ADAMTSL1: variants seen among roughly 807,000 people sequenced by gnomAD.
ADAMTSL1 encodes ADAMTS like 1.
Under a neutral mutation model 201.8 loss-of-function variants are expected in ADAMTSL1, and 126 were observed. That is an observed-to-expected ratio of 0.62 (90% CI 0.54 to 0.72). The LOEUF (loss-of-function observed/expected upper bound fraction) is 0.72. ADAMTSL1 is among the 30% of genes least tolerant of loss of function. ADAMTSL1 has a pLI of 0.00. For missense variants in ADAMTSL1, 2,679 were observed against 2,277.8 expected (o/e 1.18, Z -3.59); for synonymous variants, 1,121 against 903.4 (o/e 1.24, Z -4.32).
At chr9:18,117,333 C>T (rs1024233300) in intron 1 of ADAMTSL1, among the ~76,000 whole-genome samples, 13 of 152,226 alleles carry the variant, frequency 8.5e-5, no homozygotes, top group Admixed American at 7.9e-4. Context: ...ATCTGGCCCT[C>T]GTTACTTTCT....
At chr9:18,694,948 A>T (rs559522200) in intron 13 of ADAMTSL1, among the ~76,000 whole-genome samples, 1 of 152,162 alleles carries the variant, frequency 6.6e-6, no homozygotes, top group South Asian at 2.1e-4. Context: ...CCAAGCTTCA[A>T]CTCCTGCCCT....
chr9:18,582,259 C>G (rs1823147816), intron 4 of ADAMTSL1, among the ~76,000 whole-genome samples: 1 of 152,130 alleles, frequency 6.6e-6, no homozygotes, highest in African/African-American at 2.4e-5. Flanking sequence ...TTTTGTTTAA[C>G]AGTTCATCTC....
intron 15 of ADAMTSL1, chr9:18,723,815 G>C (rs1394733884): frequency 6.6e-6 from 1 of 152,190 alleles, no homozygotes; most frequent in African/African-American, 2.4e-5. Flanking sequence ...TTGTATAGAG[G>C]TGCCTTTCCT....
intron 2 of ADAMTSL1, among the ~76,000 whole-genome samples, chr9:18,279,972 T>G (rs1427905210): frequency 6.6e-6 from 1 of 151,938 alleles, no homozygotes; most frequent in Non-Finnish European, 1.5e-5. Flanking sequence ...CCTATGCCTT[T>G]TGGGGCAATC....
At chr9:18,711,104 C>G (rs978244075) in intron 14 of ADAMTSL1, among the ~76,000 whole-genome samples, 3 of 152,152 alleles carry the variant, frequency 2.0e-5, no homozygotes, top group South Asian at 2.1e-4. Flanking sequence ...AAATGATTTA[C>G]AAAAATTGTT....
intron 1 of ADAMTSL1, among the ~76,000 whole-genome samples, chr9:17,935,886 T>G (rs762717424): frequency 2.0e-5 from 3 of 152,222 alleles, no homozygotes; most frequent in Non-Finnish European, 4.4e-5. Flanking sequence ...GTTATGCTAC[T>G]CCTGCTTAAC....
chr9:18,250,000 T>C (rs1271030365), intron 2 of ADAMTSL1, among the ~76,000 whole-genome samples: 2 of 152,248 alleles, frequency 1.3e-5, no homozygotes, highest in Non-Finnish European at 2.9e-5. Context: ...AGCATGCTAA[T>C]GCTTACCTGT....
intron 2 of ADAMTSL1, among the ~76,000 whole-genome samples, chr9:18,301,405 G>C (rs1833706067): frequency 6.6e-6 from 1 of 152,148 alleles, no homozygotes; most frequent in Non-Finnish European, 1.5e-5. Context: ...CTGGCGATCT[G>C]TTCCATGACC....
intron 1 of ADAMTSL1, among the ~76,000 whole-genome samples, chr9:18,136,112 A>T (rs1051962469): frequency 4.6e-5 from 7 of 152,210 alleles, no homozygotes; most frequent in Non-Finnish European, 8.8e-5. Flanking sequence ...GGAAAAAGGC[A>T]GTAAGAGCAT....
intron 1 of ADAMTSL1, among the ~76,000 whole-genome samples, chr9:18,077,360 G>C (rs1478503126): frequency 1.3e-5 from 2 of 152,188 alleles, no homozygotes; most frequent in Admixed American, 1.3e-4. Context: ...CTCCCTTATT[G>C]AGTGTTCATG....
chr9:18,093,177 G>T (rs1002172480), intron 1 of ADAMTSL1, among the ~76,000 whole-genome samples: 2 of 151,992 alleles, frequency 1.3e-5, no homozygotes, highest in East Asian at 3.9e-4. Flanking sequence ...AAATGCCAGG[G>T]AAGCAATAGA....
chr9:18,698,933 T>C (rs1831747480), intron 13 of ADAMTSL1, among the ~76,000 whole-genome samples: 1 of 152,148 alleles, frequency 6.6e-6, no homozygotes, highest in Non-Finnish European at 1.5e-5. Context: ...TTATAATGTC[T>C]TGTCTAGAAC....
At chr9:18,886,166 G>GTATGTATATATATATA (rs55916376) in intron 23 of ADAMTSL1, among the ~76,000 whole-genome samples, 29 of 37,094 alleles carry the variant, frequency 7.8e-4, no homozygotes, top group East Asian at 1.1e-3. Flanking sequence ...GTGTGTATGT[G>GTATGTATATATATATA]TATATATATA....
chr9:18,179,263 A>G (rs1172025743), intron 2 of ADAMTSL1, among the ~76,000 whole-genome samples: 1 of 152,196 alleles, frequency 6.6e-6, no homozygotes, highest in Non-Finnish European at 1.5e-5. Flanking sequence ...ATCAACTGGA[A>G]GAAAGGGTAT....
chr9:18,453,027 G>T (rs902813489), intron 2 of ADAMTSL1, among the ~76,000 whole-genome samples: 1 of 152,212 alleles, frequency 6.6e-6, no homozygotes, highest in Non-Finnish European at 1.5e-5. Context: ...ACAAGTTTCT[G>T]CCTGAGCCCC....
chr9:18,721,414 G>A, intron 14 of ADAMTSL1, 122 bp from the exon 15 acceptor site: 2 of 1,372,656 alleles, frequency 1.5e-6, no homozygotes, highest in South Asian at 2.8e-5. Flanking sequence ...TGCCATCTCT[G>A]ACATACAGCG....
chr9:17,926,632 CAA>C (rs1357148680), intron 1 of ADAMTSL1, among the ~76,000 whole-genome samples: 1 of 152,196 alleles, frequency 6.6e-6, no homozygotes, highest in African/African-American at 2.4e-5. Context: ...ATGGTTAAAA[CAA>C]GAGGTGCTTT....
chr9:18,276,402 G>A (rs1049644799), intron 2 of ADAMTSL1, among the ~76,000 whole-genome samples: 4 of 152,114 alleles, frequency 2.6e-5, no homozygotes, highest in African/African-American at 9.7e-5. Flanking sequence ...TGTGTCCTAT[G>A]AAAACTTTGC....
chr9:18,680,307 T>C lies in ADAMTSL1; in HGVS notation c.1137-5T>C. Reference sequence around the variant, plus strand: ...CTGCCCTGATGACTCCCCTTGCTTCTGTAGGTGGGAGGCCACCCCATGGAC... The same window carrying C: ...CTGCCCTGATGACTCCCCTTGCTTCCGTAGGTGGGAGGCCACCCCATGGAC... On this transcript the variant is annotated splice_region_variant and splice_polypyrimidine_tract_variant and intron_variant, in intron 10 of 28. Coordinates refer to ENST00000380548, the MANE Select transcript of ADAMTSL1 (RefSeq NM_001040272.6). The C allele has an allele frequency of 6.2e-7, 1 of 1,613,840 alleles. No individual in the cohort carries two copies. Among genetic ancestry groups the C allele is most frequent in the Non-Finnish European group, 8.5e-7 (1 of 1,179,902 alleles).
Sources: gnomAD v4.1 joint callset for allele counts (sites outside exome capture counted in the v4.1 genomes callset) on GRCh38, gnomAD v4.1.1 for gene constraint, MANE v1.5 for transcripts, NCBI Gene and HGNC (gene_info 2026-07-23, HGNC 2026-07-21) for gene names.